Variants in GALNT13 observed in about 807,000 individuals in gnomAD.
The protein encoded by GALNT13 is polypeptide N-acetylgalactosaminyltransferase 13, also known as UDP-GalNAc:polypeptide N-acetylgalactosaminyltransferase 13.
A neutral mutation model predicts 64.2 loss-of-function variants in GALNT13; 28 were observed. The ratio of observed to expected loss-of-function variants is 0.44; its 90% CI spans 0.32 to 0.60. GALNT13 has a LOEUF of 0.60. Among genes scored for constraint, GALNT13 ranks in the 20% least tolerant of loss-of-function variants. The pLI is 0.05. For synonymous variants in GALNT13, 214 were observed against 224.6 expected, an observed-to-expected ratio of 0.95 and a Z score of 0.42; for missense variants, 577 against 669.8, an observed-to-expected ratio of 0.86 and a Z score of 1.53.
chr2:153,619,979 T>G, the GALNT13 span, among the ~76,000 whole-genome samples: 1 of 152,094 alleles, frequency 6.6e-6, no homozygotes, highest in African/African-American at 2.4e-5. Context: ...TAATTAGATA[T>G]TGATGTCTTT....
the GALNT13 span, among the ~76,000 whole-genome samples, chr2:153,476,061 GCAAA>G: frequency 3.9e-5 from 6 of 152,048 alleles, no homozygotes; most frequent in African/African-American, 1.4e-4. Flanking sequence ...CAACAAACAA[GCAAA>G]CAAACCCTTA....
At chr2:153,184,992 A>G in the GALNT13 span, among the ~76,000 whole-genome samples, 2 of 152,108 alleles carry the variant, frequency 1.3e-5, no homozygotes, top group Non-Finnish European at 2.9e-5. Context: ...GAGTTAAGGA[A>G]GAGTTACTCC....
the GALNT13 span, among the ~76,000 whole-genome samples, chr2:153,619,328 T>C: frequency 6.6e-6 from 1 of 152,210 alleles, no homozygotes; most frequent in African/African-American, 2.4e-5. Context: ...TGCCTTAAAT[T>C]CATCTTCCTG....
chr2:153,132,090 T>C, the GALNT13 span, among the ~76,000 whole-genome samples: 2 of 152,160 alleles, frequency 1.3e-5, no homozygotes, highest in Admixed American at 1.3e-4. Context: ...GATGAATTCA[T>C]GTATAGGTGA....
chr2:153,963,729 C>CTGTGTGTG (rs1357755350), intron 3 of GALNT13, among the ~76,000 whole-genome samples: 30 of 117,240 alleles, frequency 2.6e-4, no homozygotes, highest in Admixed American at 8.5e-4. Context: ...CTCTCTCTCT[C>CTGTGTGTG]TCTGTGTGTG....
At chr2:154,076,461 T>C (rs1473747741) in intron 3 of GALNT13, among the ~76,000 whole-genome samples, 3 of 151,622 alleles carry the variant, frequency 2.0e-5, no homozygotes, top group Non-Finnish European at 4.4e-5. Flanking sequence ...TACAGAGAGT[T>C]TGAGTAACTT....
chr2:153,321,002 C>A, the GALNT13 span, among the ~76,000 whole-genome samples: 1 of 152,150 alleles, frequency 6.6e-6, no homozygotes, highest in East Asian at 1.9e-4. Context: ...TACTGATTCA[C>A]TGAGCCTTAA....
the GALNT13 span, among the ~76,000 whole-genome samples, chr2:153,664,058 G>T: frequency 6.6e-6 from 1 of 152,128 alleles, no homozygotes; most frequent in Admixed American, 6.6e-5. Context: ...TCCATGTCCC[G>T]CTGGGCACGT....
Position 153,994,076 on chromosome 2 carries a change from C to T in GALNT13, c.142+49437C>T, listed in dbSNP as rs373609026. On this transcript the variant is annotated intron_variant, in intron 3 of 12. Coordinates refer to ENST00000392825, the MANE Select transcript of GALNT13 (RefSeq NM_052917.4). ...GCTATCTCTCCCCACTCACCCCACC[C>T]CATGACAGGCCCCAGTGTGTGATGT... Among the ~76,000 whole-genome samples, 9 of 152,126 alleles carry T rather than the reference C, an allele frequency of 5.9e-5. No homozygotes were observed. The East Asian group carries it at 1.5e-3, about 26-fold the overall frequency.
intron 11 of GALNT13, among the ~76,000 whole-genome samples, chr2:154,431,309 T>G (rs958070861): frequency 6.6e-6 from 1 of 152,208 alleles, no homozygotes; most frequent in Non-Finnish European, 1.5e-5. Context: ...GGAACAAGGT[T>G]TCATTAGCAC....
intron 8 of GALNT13, among the ~76,000 whole-genome samples, chr2:154,270,874 C>T (rs757093062): frequency 6.6e-6 from 1 of 151,740 alleles, no homozygotes; most frequent in Non-Finnish European, 1.5e-5. Context: ...TATTGCTTTC[C>T]AGTGATTTGA....
chr2:153,618,902 G>A, the GALNT13 span, among the ~76,000 whole-genome samples: 12 of 151,928 alleles, frequency 7.9e-5, no homozygotes, highest in East Asian at 2.1e-3. Flanking sequence ...TTTTTAGTCT[G>A]TGGTGTGTCT....
chr2:154,153,159 C>T (rs1233808238), intron 4 of GALNT13, among the ~76,000 whole-genome samples: 1 of 152,146 alleles, frequency 6.6e-6, no homozygotes, highest in Non-Finnish European at 1.5e-5. Flanking sequence ...AGATAGGACC[C>T]TTAGCTGCAG....
chr2:153,328,340 G>C, the GALNT13 span, among the ~76,000 whole-genome samples: 1 of 152,180 alleles, frequency 6.6e-6, no homozygotes, highest in Non-Finnish European at 1.5e-5. Flanking sequence ...TGTGCTGGGA[G>C]ATCCATTGCT....
At chr2:153,840,398 C>T in the GALNT13 span, among the ~76,000 whole-genome samples, 2 of 152,026 alleles carry the variant, frequency 1.3e-5, no homozygotes, top group Non-Finnish European at 2.9e-5. Context: ...ACTTGAGAAT[C>T]AGGTCATTCT....
At chr2:154,054,351 ATTTTTATGT>A (rs1357888413) in intron 3 of GALNT13, among the ~76,000 whole-genome samples, 2 of 151,828 alleles carry the variant, frequency 1.3e-5, no homozygotes, top group African/African-American at 4.8e-5. Context: ...ATTCATTTTT[ATTTTTATGT>A]TATGAACTGA....
intron 3 of GALNT13, among the ~76,000 whole-genome samples, chr2:153,973,655 G>A (rs1458141387): frequency 6.6e-6 from 1 of 151,176 alleles, no homozygotes; most frequent in African/African-American, 2.5e-5. Flanking sequence ...ATTGATCTGT[G>A]ATTTAAGGAA....
the GALNT13 span, among the ~76,000 whole-genome samples, chr2:153,208,795 TC>T: frequency 2.0e-5 from 3 of 152,090 alleles, no homozygotes; most frequent in African/African-American, 7.2e-5. Context: ...TAGTTGCCTT[TC>T]TTCTAACCAA....
At chr2:153,995,680 T>G (rs1317688029) in intron 3 of GALNT13, among the ~76,000 whole-genome samples, 1 of 152,136 alleles carries the variant, frequency 6.6e-6, no homozygotes, top group African/African-American at 2.4e-5. Context: ...GGTGGTAACT[T>G]TCAAGATTTT....
Sources: gnomAD v4.1 joint callset for allele counts (sites outside exome capture counted in the v4.1 genomes callset) on GRCh38, gnomAD v4.1.1 for gene constraint, MANE v1.5 for transcripts, NCBI Gene and HGNC (gene_info 2026-07-23, HGNC 2026-07-21) for gene names.